ENPP2: variants seen among roughly 807,000 people sequenced by gnomAD.
ENPP2 encodes the protein ectonucleotide pyrophosphatase/phosphodiesterase 2.
In ENPP2, 51 loss-of-function variants were observed where a neutral mutation model predicts 120.2. The ratio of observed to expected loss-of-function variants is 0.42; its 90% confidence interval spans 0.34 to 0.54. ENPP2 has a LOEUF of 0.54. ENPP2 is among the 20% of genes least tolerant of loss of function. The pLI is 0.04. For missense variants in ENPP2, 920 were observed against 1,066.5 expected, an observed-to-expected ratio of 0.86 and a Z score of 1.91; for synonymous variants, 365 against 366.4, an observed-to-expected ratio of 1.00 and a Z score of 0.04.
Position 119,590,637 on chromosome 8 carries a change from G to T in ENPP2, c.1082-7C>A. On this transcript the variant is annotated splice_polypyrimidine_tract_variant and splice_region_variant and intron_variant, in intron 12 of 24. Coordinates refer to ENST00000075322, the MANE Select transcript of ENPP2 (RefSeq NM_001040092.3). ...CATGTGACATCTTCCATTCCTATGG[G>T]GAGGGAGAAAAAGAATATTTTCAGG... is the stretch of plus-strand genomic sequence containing the variant. 1 of 1,478,918 alleles carries T rather than the reference G, an allele frequency of 6.8e-7. No homozygotes were observed. The highest frequency in any genetic ancestry group is 1.5e-5 in the African/African-American group (1 of 68,900). 91.6% of individuals were successfully genotyped at this position (1,478,918 alleles called of 1,614,324 possible).
chr8:119,588,951 C>T (rs965846728), intron 13 of ENPP2, among the ~76,000 whole-genome samples: 1 of 152,168 alleles, frequency 6.6e-6, no homozygotes, highest in East Asian at 1.9e-4. Flanking sequence ...CTGAAACTTA[C>T]TAACCATCAT....
chr8:119,607,532 G>A (rs575096372), intron 9 of ENPP2, among the ~76,000 whole-genome samples: 22 of 152,076 alleles, frequency 1.4e-4, no homozygotes, highest in Non-Finnish European at 2.2e-4. Context: ...AAAATTAGCC[G>A]GGAGTGGTAG....
chr8:119,593,961 C>G, intron 11 of ENPP2, 101 bp from the exon 12 acceptor site: 2 of 757,154 alleles, frequency 2.6e-6, no homozygotes, highest in Non-Finnish European at 4.7e-6. Flanking sequence ...AAGAAAACTT[C>G]CGGCCCAGAG....
At chr8:119,586,962 G>A (rs938540936) in intron 14 of ENPP2, 82 bp downstream of exon 14, 22 of 1,168,328 alleles carry the variant, frequency 1.9e-5, no homozygotes, top group African/African-American at 9.0e-5. Flanking sequence ...CCTCCCCGCC[G>A]GGGGAGGCAC....
At chr8:119,632,184 C>T (rs1816728454) in intron 2 of ENPP2, among the ~76,000 whole-genome samples, 1 of 152,192 alleles carries the variant, frequency 6.6e-6, no homozygotes, top group African/African-American at 2.4e-5. Flanking sequence ...TTGATGTAAG[C>T]ACTTCAGATG....
chr8:119,570,869 T>A, intron 19 of ENPP2, 28 bp from the exon 20 acceptor site: 1 of 1,448,746 alleles, frequency 6.9e-7, no homozygotes, highest in Non-Finnish European at 9.2e-7. Context: ...TAAACTGTGT[T>A]AGGTGCATAT....
At chr8:119,567,697 A>G (rs1814590979) in intron 22 of ENPP2, among the ~76,000 whole-genome samples, 1 of 152,266 alleles carries the variant, frequency 6.6e-6, no homozygotes, top group African/African-American at 2.4e-5. Flanking sequence ...TATCACCCCA[A>G]GAGGAAGAGG....
In ENPP2 at chr8:119,617,188, A is replaced by G. The variant is rs751827880; in HGVS notation, c.633T>C (p.Phe211=). 2 of 1,613,284 alleles carry G rather than the reference A, an allele frequency of 1.2e-6. No individual in the cohort carries two copies. The highest frequency in any genetic ancestry group is 2.2e-5 in the South Asian group (2 of 91,060). The change falls in exon 7 of 25, where the codon TTT becomes TTC. Residue 211 remains phenylalanine (F), a synonymous_variant. Coordinates refer to ENST00000075322, the MANE Select transcript of ENPP2 (RefSeq NM_001040092.3). The stretch of plus-strand genomic sequence containing the variant: ...CAGTGGCCAAAGTGTATAAGTTAGG[A>G]AAGGTTTTAGTTGGGTACACCGGCC... The part of the protein sequence containing the change: ...YMRPVYPTKT[F]PNLYTLATGL...
chr8:119,616,793 T>C (rs184554431), intron 7 of ENPP2, among the ~76,000 whole-genome samples: 11 of 152,278 alleles, frequency 7.2e-5, no homozygotes, highest in East Asian at 1.9e-4. Context: ...AAATAAATTA[T>C]GTTTTAAAGA....
chr8:119,559,792 T>C (rs763841543), intron 24 of ENPP2, among the ~76,000 whole-genome samples: 3 of 152,202 alleles, frequency 2.0e-5, no homozygotes, highest in Non-Finnish European at 2.9e-5. Flanking sequence ...TTATGGACAT[T>C]GATTCTTCAC....
At chr8:119,666,893 C>T (rs1307739850) in intron 1 of ENPP2, among the ~76,000 whole-genome samples, 1 of 152,000 alleles carries the variant, frequency 6.6e-6, no homozygotes, top group Non-Finnish European at 1.5e-5. Flanking sequence ...ATTCCTGACA[C>T]AGGAAATGGC....
chr8:119,648,239 C>G (rs1416449209), intron 1 of ENPP2, among the ~76,000 whole-genome samples: 1 of 152,160 alleles, frequency 6.6e-6, no homozygotes, highest in Non-Finnish European at 1.5e-5. Flanking sequence ...TATAAGAGAG[C>G]AAGGTCTGTG....
chr8:119,644,679 C>CAT (rs1563769096), intron 1 of ENPP2, among the ~76,000 whole-genome samples: 4 of 140,934 alleles, frequency 2.8e-5, no homozygotes, highest in East Asian at 2.1e-4. Flanking sequence ...TACACACACA[C>CAT]ATATATATAT....
At chr8:119,628,759 C>G (rs1158770573) in intron 2 of ENPP2, among the ~76,000 whole-genome samples, 4 of 151,988 alleles carry the variant, frequency 2.6e-5, no homozygotes, top group Non-Finnish European at 5.9e-5. Context: ...AAAACAGAGC[C>G]AAAACTAGAG....
intron 1 of ENPP2, among the ~76,000 whole-genome samples, chr8:119,655,001 T>C (rs773069599): frequency 1.3e-5 from 2 of 152,228 alleles, no homozygotes; most frequent in South Asian, 2.1e-4. Flanking sequence ...GGTAAGGATC[T>C]TTATACATAC....
intron 1 of ENPP2, among the ~76,000 whole-genome samples, chr8:119,657,462 A>G (rs1433696792): frequency 2.0e-5 from 3 of 152,216 alleles, no homozygotes; most frequent in Non-Finnish European, 4.4e-5. Flanking sequence ...CGAAAGTTCT[A>G]CAATATCTGG....
At chr8:119,661,439 T>G (rs1036345180) in intron 1 of ENPP2, among the ~76,000 whole-genome samples, 4 of 152,082 alleles carry the variant, frequency 2.6e-5, no homozygotes, top group Non-Finnish European at 5.9e-5. Context: ...ATCAGGGAAA[T>G]GCAAAGCAAA....
At chr8:119,607,051 C>T (rs1033061978) in intron 9 of ENPP2, among the ~76,000 whole-genome samples, 1 of 151,920 alleles carries the variant, frequency 6.6e-6, no homozygotes, top group Admixed American at 6.6e-5. Flanking sequence ...GGGAAGGAGC[C>T]CCACTTTCTT....
chr8:119,617,647 T>A, intron 5 of ENPP2, 84 bp from the exon 6 acceptor site: 1 of 976,562 alleles, frequency 1.0e-6, no homozygotes, highest in Non-Finnish European at 1.6e-6. Flanking sequence ...ATGGGAGCAA[T>A]AATTTCCAAG....
Sources: gnomAD v4.1 joint callset for allele counts (sites outside exome capture counted in the v4.1 genomes callset) on GRCh38, gnomAD v4.1.1 for gene constraint, MANE v1.5 for transcripts, NCBI Gene and HGNC (gene_info 2026-07-23, HGNC 2026-07-21) for gene names.